DOCK3: variants seen among roughly 807,000 people sequenced by gnomAD.
DOCK3 encodes dedicator of cytokinesis 3, also known as dedicator of cytokinesis protein 3.
A neutral mutation model predicts 265.6 loss-of-function variants in DOCK3; 60 were observed. That is an observed-to-expected ratio of 0.23 (90% CI 0.18 to 0.28). The LOEUF is 0.28. Among genes scored for constraint, DOCK3 ranks in the 10% least tolerant of loss-of-function variants. The pLI is 1.00. For synonymous variants in DOCK3, 881 were observed against 938.0 expected (o/e 0.94, Z 1.11); for missense variants, 1,981 against 2,594.3 (o/e 0.76, Z 5.14).
chr3:51,183,785 C>T (rs1188427335), intron 12 of DOCK3, among the ~76,000 whole-genome samples: 2 of 152,176 alleles, frequency 1.3e-5, no homozygotes, highest in Non-Finnish European at 2.9e-5. Flanking sequence ...GATTGGAATG[C>T]CTCACACAGC....
chr3:50,828,340 A>T (rs2044900781), intron 2 of DOCK3, among the ~76,000 whole-genome samples: 1 of 152,176 alleles, frequency 6.6e-6, no homozygotes, highest in South Asian at 2.1e-4. Context: ...TCTTTTATGC[A>T]ACTATGGTCT....
chr3:51,149,807 T>G (rs892955879), intron 10 of DOCK3, among the ~76,000 whole-genome samples: 1 of 152,124 alleles, frequency 6.6e-6, no homozygotes, highest in Admixed American at 6.6e-5. Flanking sequence ...ATCTTTTTTG[T>G]TGTTGTGTCT....
chr3:50,920,602 T>C (rs1294931926), intron 4 of DOCK3, among the ~76,000 whole-genome samples: 1 of 152,228 alleles, frequency 6.6e-6, no homozygotes, highest in Non-Finnish European at 1.5e-5. Flanking sequence ...TTATCCCCTT[T>C]ATCATTTTTT....
intron 47 of DOCK3, among the ~76,000 whole-genome samples, chr3:51,360,887 GT>G (rs2110338195): frequency 6.6e-6 from 1 of 152,314 alleles, no homozygotes; most frequent in East Asian, 1.9e-4. Flanking sequence ...ATAAGTAGAT[GT>G]TTGCTAGGGG....
At position 51,228,551 on chromosome 3, in the gene DOCK3, C is replaced by T. The variant is rs1020389172; in HGVS notation, c.1648-110C>T. 8 of 1,241,488 alleles carry T rather than the reference C, an allele frequency of 6.4e-6. No homozygotes were observed. The Admixed American group carries it at 8.2e-5, about 13-fold the overall frequency. The allele number at this position is 1,241,488 out of a possible 1,614,324, so 76.9% of individuals were successfully genotyped here. ...TCTTCCAAGAGGACCTGAGGCCCAACGTTCAGCCTTAGGAAGATGAGAGCA... is the reference window on the plus strand; with the variant it reads ...TCTTCCAAGAGGACCTGAGGCCCAATGTTCAGCCTTAGGAAGATGAGAGCA... On this transcript the variant is annotated intron_variant, in intron 17 of 52. Transcript: ENST00000266037.
At chr3:50,760,023 G>C (rs1475289691) in intron 1 of DOCK3, among the ~76,000 whole-genome samples, 3 of 151,424 alleles carry the variant, frequency 2.0e-5, no homozygotes, top group Admixed American at 2.0e-4. Flanking sequence ...GATGAAGGCG[G>C]ACTCTTTTTT....
At chr3:50,893,224 A>G in intron 4 of DOCK3, 1 of 292,242 alleles carries the variant, frequency 3.4e-6, no homozygotes. Context: ...GGAATACATG[A>G]CACAATCAAA....
intron 1 of DOCK3, among the ~76,000 whole-genome samples, chr3:50,770,245 C>T (rs1357581064): frequency 2.6e-5 from 4 of 152,044 alleles, no homozygotes; most frequent in South Asian, 2.1e-4. Flanking sequence ...CTGATAAATT[C>T]GGTAAAGTTG....
At chr3:51,293,252 C>G (rs1281047742) in intron 27 of DOCK3, among the ~76,000 whole-genome samples, 1 of 152,180 alleles carries the variant, frequency 6.6e-6, no homozygotes, top group African/African-American at 2.4e-5. Flanking sequence ...GTGATCAAAA[C>G]ACCATGGTAT....
rs141280910 is a variant in DOCK3 at position 50,886,187 on chromosome 3, G to GATATAT, written c.163-3822_163-3817dup. 2.5e-3 allele frequency among the ~76,000 whole-genome samples: 336 copies of GATATAT among 132,788 alleles called. 7 individuals carry two copies. Among genetic ancestry groups the GATATAT allele is most frequent in the South Asian group, 0.01 (43 of 4,192 alleles). The allele number at this position is 132,788 out of a possible 152,430, so 87.1% of individuals were successfully genotyped here. A position where few individuals can be genotyped will look rare whatever the true frequency, so the allele number is the denominator to read the frequency against. ...CTTTCAGAATATTTTTTATTTTGGA[G>GATATAT]ATATATATATATATATATATATTCC... On this transcript the variant is annotated intron_variant, in intron 3 of 52. Transcript: ENST00000266037.
At chr3:51,308,907 C>T (rs1382263523) in intron 27 of DOCK3, among the ~76,000 whole-genome samples, 4 of 145,436 alleles carry the variant, frequency 2.8e-5, no homozygotes, top group Non-Finnish European at 4.5e-5. Context: ...ACTTCTCAGA[C>T]GGGGCGGCCG....
Position 51,374,378 on chromosome 3 carries a change from A to T in DOCK3, c.5294-91A>T. 1 of 1,204,378 alleles carries T rather than the reference A, an allele frequency of 8.3e-7. No individual in the cohort carries two copies. The highest frequency in any genetic ancestry group is 1.2e-6 in the Non-Finnish European group (1 of 833,284). 74.6% of individuals were successfully genotyped at this position (1,204,378 alleles called of 1,614,324 possible). A position where few individuals can be genotyped will look rare whatever the true frequency, so the allele number is the denominator to read the frequency against. ...CTCACCCTAACTGTAAGGGACACCT[A>T]CCCTGGTTCCCTAGTCCTGAGGATG... On this transcript the variant is annotated intron_variant, in intron 49 of 52. Transcript: ENST00000266037. This position sits in a 1 kb window ranked among gnomAD's most constrained non-coding sequence, Gnocchi z 4.8.
chr3:50,999,314 A>G (rs1012326196), intron 5 of DOCK3, among the ~76,000 whole-genome samples: 4 of 152,226 alleles, frequency 2.6e-5, no homozygotes, highest in South Asian at 2.1e-4. Context: ...TCTTGAAACT[A>G]TGGCAGAGCC....
intron 5 of DOCK3, among the ~76,000 whole-genome samples, chr3:50,967,114 T>TG (rs929511576): frequency 6.6e-6 from 1 of 152,184 alleles, no homozygotes; most frequent in Non-Finnish European, 1.5e-5. Context: ...ACTGGGCTGT[T>TG]GAACACTAGA....
intron 22 of DOCK3, among the ~76,000 whole-genome samples, chr3:51,251,531 T>C (rs2079238797): frequency 6.6e-6 from 1 of 152,210 alleles, no homozygotes; most frequent in African/African-American, 2.4e-5. Context: ...CTCCAGCACC[T>C]GTTGTTTCCT....
Position 51,356,161 on chromosome 3 carries a change from G to C in DOCK3, c.4322G>C (p.Arg1441Pro), listed in dbSNP as rs774513643. The C allele has an allele frequency of 6.2e-7, 1 of 1,613,986 alleles. No individual in the cohort carries two copies. Among genetic ancestry groups the C allele is most frequent in the South Asian group, 1.1e-5 (1 of 91,078 alleles). ...DVLQMDRVPD[R>P]VKSFYRVNNV... is the part of the protein sequence containing the mutation. Reference sequence around the variant, plus strand: ...CTGCAGATGGATAGGGTACCAGATCGAGTCAAGAGCTTCTATCGCGTCAAC... The same window carrying C: ...CTGCAGATGGATAGGGTACCAGATCCAGTCAAGAGCTTCTATCGCGTCAAC... The change falls in exon 42 of 53, where the codon CGA (arginine) becomes CCA (proline). Residue 1441 changes from arginine to proline, a missense_variant. Physicochemically the swap from Arg to Pro is moderately radical, Grantham distance 103. Around this residue, in one of 4 missense-constraint regions of DOCK3, gnomAD observed 1,357 missense variants for 1,866.8 expected, o/e 0.73. Coordinates refer to ENST00000266037, the MANE Select transcript of DOCK3 (RefSeq NM_004947.5).
chr3:51,378,563 G>T (rs2088330690), intron 51 of DOCK3, among the ~76,000 whole-genome samples: 1 of 152,248 alleles, frequency 6.6e-6, no homozygotes, highest in Non-Finnish European at 1.5e-5. Flanking sequence ...TGGATTGTGA[G>T]CCGCTTCTCT....
At chr3:51,063,890 CG>C (rs2081503852) in intron 5 of DOCK3, among the ~76,000 whole-genome samples, 2 of 152,102 alleles carry the variant, frequency 1.3e-5, no homozygotes, top group African/African-American at 2.4e-5. Flanking sequence ...CAGAGGGAGT[CG>C]GGGAAGGACA....
chr3:51,289,752 A>G (rs1203115050), intron 27 of DOCK3, among the ~76,000 whole-genome samples: 2 of 152,206 alleles, frequency 1.3e-5, no homozygotes, highest in Non-Finnish European at 2.9e-5. Flanking sequence ...TGAACAGGCA[A>G]CCTACAGAAT....
Sources: gnomAD v4.1 joint callset for allele counts (sites outside exome capture counted in the v4.1 genomes callset) on GRCh38, gnomAD v4.1.1 for gene constraint, gnomAD v4.1.1 regional missense constraint, Gnocchi (gnomAD v3.1) non-coding constraint, MANE v1.5 for transcripts, NCBI Gene and HGNC (gene_info 2026-07-23, HGNC 2026-07-21) for gene names.